DNAH11: variants seen among roughly 807,000 people sequenced by gnomAD.
The protein encoded by DNAH11 is axonemal beta dynein heavy chain 11.
DNAH11 carries 442 observed loss-of-function variants against 526.0 expected under a neutral mutation model. The ratio of observed to expected loss-of-function variants is 0.84; its 90% CI spans 0.78 to 0.91. DNAH11 has a LOEUF of 0.91. DNAH11 is among the 40% of genes least tolerant of loss of function. The probability of loss-of-function intolerance (pLI) is 0.00; values close to 1 mark genes in which losing one functional copy is unlikely to be tolerated. For missense variants in DNAH11, 6,989 were observed against 5,448.7 expected, an observed-to-expected ratio of 1.28 and a Z score of -8.90; for synonymous variants, 2,461 against 1,935.9, an observed-to-expected ratio of 1.27 and a Z score of -7.12.
intron 54 of DNAH11, among the ~76,000 whole-genome samples, chr7:21,764,358 A>G (rs898838166): frequency 5.3e-5 from 8 of 152,220 alleles, no homozygotes; most frequent in Non-Finnish European, 1.2e-4. Flanking sequence ...AAAAAAAATC[A>G]CATCCTTTGA....
intron 79 of DNAH11, among the ~76,000 whole-genome samples, chr7:21,898,264 C>A (rs748266831): frequency 6.6e-6 from 1 of 152,124 alleles, no homozygotes. Flanking sequence ...TTCTTCTTAT[C>A]GTCGAGTATG....
In DNAH11 at chr7:21,855,213, A is replaced by T. The variant is rs867249141; in HGVS notation, c.11202+758A>T. ...CACCTGGCTAATTTTTTGTATTTTT[A>T]GAAGGGATGGGGTTTCACCGTGTTA... On this transcript the variant is annotated intron_variant, in intron 68 of 81. Transcript: ENST00000409508. Among the ~76,000 whole-genome samples, 51 of 151,992 alleles carry T rather than the reference A, an allele frequency of 3.4e-4. 1 individual carries two copies. The Middle Eastern group carries it at 0.01, about 30-fold the overall frequency.
chr7:21,550,614 T>C (rs1417576454), intron 2 of DNAH11, among the ~76,000 whole-genome samples: 1 of 152,226 alleles, frequency 6.6e-6, no homozygotes, highest in East Asian at 1.9e-4. Context: ...TCATTCTTTC[T>C]ACCTTTCCAG....
At chr7:21,767,867 T>A (rs908436710) in intron 55 of DNAH11, among the ~76,000 whole-genome samples, 1 of 152,150 alleles carries the variant, frequency 6.6e-6, no homozygotes, top group Non-Finnish European at 1.5e-5. Context: ...ATCAGCATAA[T>A]TTAGGCACTT....
At chr7:21,707,932 GT>G in intron 40 of DNAH11, 97 bp downstream of exon 40, 1 of 1,282,398 alleles carries the variant, frequency 7.8e-7, no homozygotes. Context: ...CAGACTTACT[GT>G]TTATGTGTTG....
Position 21,716,235 on chromosome 7 carries a change from A to G in DNAH11, c.6984-1540A>G, listed in dbSNP as rs17145111. On this transcript the variant is annotated intron_variant, in intron 42 of 81. Coordinates refer to ENST00000409508, the MANE Select transcript of DNAH11 (RefSeq NM_001277115.2). ...ATCCAGGATGCCAACTCTTGTGCCC[A>G]ATAGGACGCTACTGCCTTTAGGAGA... Among the ~76,000 whole-genome samples the G allele has an allele frequency of 9.3e-3, 1,415 of 152,232 alleles. 122 individuals carry two copies. In the East Asian group the frequency reaches 0.21, roughly 23 times the overall value.
intron 25 of DNAH11, among the ~76,000 whole-genome samples, chr7:21,632,112 A>G (rs1020256367): frequency 5.3e-5 from 8 of 152,164 alleles, no homozygotes; most frequent in African/African-American, 1.9e-4. Flanking sequence ...CATCCTCTGA[A>G]GCCACGTCCC....
chr7:21,680,126 A>G (rs879612530), intron 30 of DNAH11, among the ~76,000 whole-genome samples: 1 of 152,088 alleles, frequency 6.6e-6, no homozygotes, highest in Non-Finnish European at 1.5e-5. Flanking sequence ...CAGCTGTATG[A>G]CTTTCTCTAG....
chr7:21,787,680 C>A, intron 60 of DNAH11, 97 bp downstream of exon 60: 2 of 1,114,548 alleles, frequency 1.8e-6, no homozygotes, highest in South Asian at 2.0e-5. Context: ...TTTGTTATTT[C>A]ATTTTCTGAA....
intron 23 of DNAH11, 75 bp downstream of exon 23, chr7:21,617,852 A>G (rs890105935): frequency 3.5e-6 from 5 of 1,414,078 alleles, no homozygotes; most frequent in African/African-American, 2.9e-5. Flanking sequence ...ATCATCTGAG[A>G]TGAAGTGTAA....
chr7:21,784,695 T>C (rs1788098646), intron 58 of DNAH11, among the ~76,000 whole-genome samples, 155 bp downstream of exon 58: 1 of 152,204 alleles, frequency 6.6e-6, no homozygotes. Flanking sequence ...AAACAAACCA[T>C]TGAGGTCATC....
intron 65 of DNAH11, among the ~76,000 whole-genome samples, chr7:21,836,390 G>A (rs6960352): frequency 0.069 from 10,545 of 151,976 alleles, 1,138 homozygotes; most frequent in African/African-American, 0.23. Context: ...TGGCACTTGC[G>A]TAAAAACAAA....
chr7:21,859,245 C>G (rs1782966228), intron 68 of DNAH11, among the ~76,000 whole-genome samples: 1 of 152,128 alleles, frequency 6.6e-6, no homozygotes, highest in Non-Finnish European at 1.5e-5. Context: ...CCTCAAGTAA[C>G]TGGGACTACA....
rs574410620 is a variant in DNAH11 at position 21,656,929 on chromosome 7, A to C, written c.5094+948A>C. Among the ~76,000 whole-genome samples the C allele has an allele frequency of 2.0e-5, 3 of 152,192 alleles. No homozygotes were observed. In the East Asian group the frequency reaches 5.8e-4, roughly 29 times the overall value. ...TAATGATTAGAAAAAGTTGCCATAA[A>C]CTCTCTTGACAAAAGTGTGTTGCTG... On this transcript the variant is annotated intron_variant, in intron 29 of 81. Coordinates refer to ENST00000409508, the MANE Select transcript of DNAH11 (RefSeq NM_001277115.2).
intron 59 of DNAH11, 21 bp downstream of exon 59, chr7:21,786,788 G>A: frequency 6.2e-7 from 1 of 1,612,872 alleles, no homozygotes; most frequent in South Asian, 1.1e-5. Flanking sequence ...AGCCTGGCAA[G>A]ATGAAAATCC....
At chr7:21,796,635 A>G (rs778475390) in intron 61 of DNAH11, among the ~76,000 whole-genome samples, 1 of 152,212 alleles carries the variant, frequency 6.6e-6, no homozygotes, top group African/African-American at 2.4e-5. Context: ...ACCTGGAACA[A>G]ATAGTAAAGA....
At chr7:21,688,649 C>A (rs1261879480) in intron 34 of DNAH11, among the ~76,000 whole-genome samples, 2 of 152,210 alleles carry the variant, frequency 1.3e-5, no homozygotes, top group Non-Finnish European at 2.9e-5. Flanking sequence ...AAATCTTAGT[C>A]CTTCCACCAA....
intron 28 of DNAH11, among the ~76,000 whole-genome samples, chr7:21,648,414 T>C (rs1370408340): frequency 6.6e-6 from 1 of 152,212 alleles, no homozygotes; most frequent in Non-Finnish European, 1.5e-5. Context: ...GAAAATTTTT[T>C]GTATATCATC....
intron 18 of DNAH11, among the ~76,000 whole-genome samples, chr7:21,602,976 C>A (rs910563089): frequency 1.3e-5 from 2 of 152,016 alleles, no homozygotes; most frequent in South Asian, 2.1e-4. Context: ...CTATCTAGTT[C>A]CAGAAATTTT....
Sources: allele counts gnomAD v4.1 joint callset (sites outside exome capture counted in the v4.1 genomes callset), GRCh38; gene constraint gnomAD v4.1.1; transcripts MANE v1.5; gene names NCBI Gene and HGNC (gene_info 2026-07-23, HGNC 2026-07-21).